The following SPON1 variants were observed in gnomAD, a reference collection of about 807,000 sequenced individuals.
SPON1 encodes the protein spondin 1.
In SPON1, 52 loss-of-function variants were observed where a neutral mutation model predicts 111.7. The ratio of observed to expected loss-of-function variants is 0.47; its 90% confidence interval spans 0.37 to 0.59. SPON1 has a LOEUF of 0.59. Ranked by LOEUF, SPON1 falls within the 20% of genes least tolerant of loss-of-function variation. SPON1 has a pLI of 0.00. For synonymous variants in SPON1, 410 were observed against 395.8 expected, an observed-to-expected ratio of 1.04 and a Z score of -0.43; for missense variants, 957 against 1,068.5, an observed-to-expected ratio of 0.90 and a Z score of 1.46.
At chr11:14,090,641 G>C (rs1208422999) in intron 5 of SPON1, among the ~76,000 whole-genome samples, 1 of 151,982 alleles carries the variant, frequency 6.6e-6, no homozygotes, top group Admixed American at 6.6e-5. Flanking sequence ...GGTCTGGCTG[G>C]GCTCAGGAGT....
intron 6 of SPON1, among the ~76,000 whole-genome samples, chr11:14,170,260 G>A (rs1440276262): frequency 1.6e-4 from 24 of 152,182 alleles, no homozygotes; most frequent in Non-Finnish European, 2.4e-4. Context: ...TGAAGCAATT[G>A]TGAATGGGAG....
intron 2 of SPON1, among the ~76,000 whole-genome samples, chr11:13,987,470 A>G (rs558340229): frequency 3.1e-4 from 47 of 152,300 alleles, no homozygotes; most frequent in African/African-American, 1.1e-3. Context: ...TCAGATGGAT[A>G]GAGTGCAAAA....
intron 5 of SPON1, among the ~76,000 whole-genome samples, chr11:14,083,357 T>C (rs1215662894): frequency 6.6e-6 from 1 of 152,238 alleles, no homozygotes; most frequent in Non-Finnish European, 1.5e-5. Flanking sequence ...CTGTCTCATA[T>C]GGCTATGTAA....
intron 1 of SPON1, among the ~76,000 whole-genome samples, chr11:13,969,476 A>G (rs184244041): frequency 4.1e-4 from 63 of 152,184 alleles, no homozygotes; most frequent in Non-Finnish European, 4.1e-4. Context: ...TCCTTTCTCA[A>G]TAAAAGAGGA....
intron 6 of SPON1, among the ~76,000 whole-genome samples, chr11:14,211,345 CAGAA>C (rs1190151654): frequency 6.6e-6 from 1 of 151,144 alleles, no homozygotes; most frequent in African/African-American, 2.5e-5. Flanking sequence ...AACAGACAAA[CAGAA>C]AGCCAAATCA....
At chr11:14,073,560 A>G (rs1370457363) in intron 3 of SPON1, among the ~76,000 whole-genome samples, 1 of 152,078 alleles carries the variant, frequency 6.6e-6, no homozygotes, top group Admixed American at 6.5e-5. Flanking sequence ...CACTTGCCTA[A>G]TTAGCTCCTA....
In SPON1 at chr11:14,067,569, T is replaced by C. The variant is rs550727457; in HGVS notation, c.480-7776T>C. Among the ~76,000 whole-genome samples the C allele has an allele frequency of 1.2e-4, 18 of 152,302 alleles. No individual in the cohort carries two copies. In the South Asian group the frequency reaches 3.5e-3, roughly 30 times the overall value. On this transcript the variant is annotated intron_variant, in intron 3 of 15. Transcript: ENST00000576479. ...GGGAAAGTCCATGGTGGGTCATTTGTTTTTCTTACCTGGGAAGCAAAACTT... is the reference window on the plus strand; with the variant it reads ...GGGAAAGTCCATGGTGGGTCATTTGCTTTTCTTACCTGGGAAGCAAAACTT...
At chr11:14,143,807 A>G (rs1847686751) in intron 6 of SPON1, among the ~76,000 whole-genome samples, 1 of 152,156 alleles carries the variant, frequency 6.6e-6, no homozygotes, top group South Asian at 2.1e-4. Flanking sequence ...GGGTGACAAA[A>G]TGCTGGGTCT....
At position 13,962,964 on chromosome 11, in the gene SPON1, G is replaced by T. The variant is rs370689489; in HGVS notation, c.60G>T (p.Ala20=). 3 of 1,591,038 alleles carry T rather than the reference G, an allele frequency of 1.9e-6. No individual in the cohort carries two copies. The highest frequency in any genetic ancestry group is 1.1e-5 in the South Asian group (1 of 87,266). The change falls in exon 1 of 16, where the codon GCG becomes GCT. Residue 20 remains alanine (A), a synonymous_variant. Coordinates refer to ENST00000576479, the MANE Select transcript of SPON1 (RefSeq NM_006108.4). ...LSRTPALLAL[A]LPLAAALAFS... Reference sequence around the variant, plus strand: ...GGACTCCGGCACTGCTGGCCCTGGCGCTGCCCCTGGCCGCGGCGCTGGCCT... The same window carrying T: ...GGACTCCGGCACTGCTGGCCCTGGCTCTGCCCCTGGCCGCGGCGCTGGCCT...
At chr11:14,119,879 A>G (rs1849292688) in intron 5 of SPON1, among the ~76,000 whole-genome samples, 1 of 152,210 alleles carries the variant, frequency 6.6e-6, no homozygotes, top group African/African-American at 2.4e-5. Context: ...TAGCCACTCG[A>G]TACACTTAAA....
intron 5 of SPON1, among the ~76,000 whole-genome samples, chr11:14,105,626 G>A (rs77508989): frequency 0.019 from 2,861 of 151,620 alleles, 42 homozygotes; most frequent in South Asian, 0.037. Context: ...TTCTTCTCTC[G>A]TGCCTGACAA....
At chr11:14,258,399 TTAAG>T (rs575333401) in intron 11 of SPON1, among the ~76,000 whole-genome samples, 56 of 152,316 alleles carry the variant, frequency 3.7e-4, no homozygotes, top group African/African-American at 1.2e-3. Context: ...AGGTCAGCCT[TTAAG>T]TATAATCTTG....
At chr11:14,197,570 T>C (rs983536268) in intron 6 of SPON1, among the ~76,000 whole-genome samples, 3 of 151,364 alleles carry the variant, frequency 2.0e-5, no homozygotes, top group Non-Finnish European at 4.4e-5. Context: ...TCCCAGCACT[T>C]TGGGGCAGTA....
intron 1 of SPON1, among the ~76,000 whole-genome samples, chr11:13,975,084 G>A (rs1430092297): frequency 6.6e-6 from 1 of 152,180 alleles, no homozygotes; most frequent in Non-Finnish European, 1.5e-5. Flanking sequence ...AGACGCAGAT[G>A]TTCTCTCCTC....
chr11:14,251,224 A>G (rs1292506940), intron 7 of SPON1, among the ~76,000 whole-genome samples: 4 of 152,214 alleles, frequency 2.6e-5, no homozygotes, highest in African/African-American at 9.7e-5. Flanking sequence ...TGAAAATGCT[A>G]TCAAATTGTT....
At chr11:14,140,539 C>T (rs939880236) in intron 6 of SPON1, among the ~76,000 whole-genome samples, 4 of 152,166 alleles carry the variant, frequency 2.6e-5, no homozygotes, top group South Asian at 4.2e-4. Context: ...GGATTACAGG[C>T]GCCTGCCATC....
At chr11:14,265,422 G>A in intron 15 of SPON1, 102 bp from the exon 16 acceptor site, 1 of 1,319,726 alleles carries the variant, frequency 7.6e-7, no homozygotes, top group South Asian at 1.5e-5. Context: ...TACTTGAGCA[G>A]AGGAGGAGCC....
At chr11:14,167,522 C>A (rs1848044508) in intron 6 of SPON1, among the ~76,000 whole-genome samples, 1 of 149,610 alleles carries the variant, frequency 6.7e-6, no homozygotes, top group Non-Finnish European at 1.5e-5. Flanking sequence ...AAACCATTTT[C>A]ATTATCTTTT....
chr11:14,045,663 T>A (rs1554917769), intron 3 of SPON1, among the ~76,000 whole-genome samples: 1 of 148,978 alleles, frequency 6.7e-6, no homozygotes, highest in Non-Finnish European at 1.5e-5. Flanking sequence ...AAAATGTTTT[T>A]ATAAATATAT....
Sources: allele counts gnomAD v4.1 joint callset (sites outside exome capture counted in the v4.1 genomes callset), GRCh38; gene constraint gnomAD v4.1.1; transcripts MANE v1.5; gene names NCBI Gene and HGNC (gene_info 2026-07-23, HGNC 2026-07-21).